The following PPARGC1A variants were observed in gnomAD, a reference collection of about 807,000 sequenced individuals.
The protein encoded by PPARGC1A is PPARG coactivator 1 alpha.
PPARGC1A carries 25 observed loss-of-function variants against 88.7 expected under a neutral mutation model. That is an observed-to-expected ratio of 0.28 (90% confidence interval 0.21 to 0.39). PPARGC1A has a LOEUF of 0.39. Ranked by LOEUF, PPARGC1A falls within the 10% of genes least tolerant of loss-of-function variation. The pLI is 1.00. For synonymous variants in PPARGC1A, 363 were observed against 355.6 expected (o/e 1.02, Z -0.24); for missense variants, 880 against 968.7 (o/e 0.91, Z 1.22).
chr4:24,071,154 G>A, the PPARGC1A span, among the ~76,000 whole-genome samples: 1 of 151,996 alleles, frequency 6.6e-6, no homozygotes, highest in Middle Eastern at 3.2e-3. Context: ...ACATCCTATC[G>A]ACTCTTGCCT....
the PPARGC1A span, among the ~76,000 whole-genome samples, chr4:23,915,645 G>A: frequency 1.3e-5 from 2 of 152,166 alleles, no homozygotes; most frequent in South Asian, 2.1e-4. Flanking sequence ...TGCCTGGCAC[G>A]TGGCAAATGT....
the PPARGC1A span, among the ~76,000 whole-genome samples, chr4:24,324,368 G>A: frequency 6.6e-6 from 1 of 151,148 alleles, no homozygotes; most frequent in Non-Finnish European, 1.5e-5. Flanking sequence ...TTATCTCTGT[G>A]CCCAATCCCT....
the PPARGC1A span, among the ~76,000 whole-genome samples, chr4:24,430,817 C>A: frequency 6.6e-6 from 1 of 152,060 alleles, no homozygotes; most frequent in South Asian, 2.1e-4. Context: ...AAGGCACAGA[C>A]CCTGAGACAG....
At chr4:24,354,307 C>A in the PPARGC1A span, among the ~76,000 whole-genome samples, 2 of 152,098 alleles carry the variant, frequency 1.3e-5, no homozygotes, top group Non-Finnish European at 2.9e-5. Context: ...ATCATATCTG[C>A]AAAGTCTCTT....
the PPARGC1A span, among the ~76,000 whole-genome samples, chr4:24,185,258 C>T: frequency 6.6e-6 from 1 of 152,122 alleles, no homozygotes; most frequent in Non-Finnish European, 1.5e-5. Flanking sequence ...ATAAATAAAC[C>T]TCAACCTGTC....
chr4:24,014,016 T>C, the PPARGC1A span, among the ~76,000 whole-genome samples: 5 of 152,320 alleles, frequency 3.3e-5, no homozygotes, highest in East Asian at 1.9e-4. Flanking sequence ...ACACGCCTTC[T>C]TCCTCGTGCA....
chr4:23,969,350 T>A, the PPARGC1A span, among the ~76,000 whole-genome samples: 1 of 152,326 alleles, frequency 6.6e-6, no homozygotes, highest in African/African-American at 2.4e-5. Context: ...ATGTGTTTTA[T>A]TGCAAACAAG....
At chr4:23,887,005 ATT>A (rs1182442082) in intron 1 of PPARGC1A, among the ~76,000 whole-genome samples, 1 of 152,146 alleles carries the variant, frequency 6.6e-6, no homozygotes, top group East Asian at 1.9e-4. Flanking sequence ...TAGCATACTG[ATT>A]TGTGGACAAC....
chr4:24,268,413 G>A, the PPARGC1A span, among the ~76,000 whole-genome samples: 2 of 152,158 alleles, frequency 1.3e-5, no homozygotes, highest in Non-Finnish European at 2.9e-5. Context: ...AATGCATGTT[G>A]CTGGTCCAAT....
chr4:24,339,199 T>A, the PPARGC1A span, among the ~76,000 whole-genome samples: 1 of 33,864 alleles, frequency 3.0e-5, no homozygotes, highest in African/African-American at 7.6e-5. Context: ...TCCATGTGTG[T>A]GTGTGTGTGT....
At chr4:23,861,026 C>T (rs1346636641) in intron 2 of PPARGC1A, among the ~76,000 whole-genome samples, 4 of 152,186 alleles carry the variant, frequency 2.6e-5, no homozygotes, top group Admixed American at 2.6e-4. Flanking sequence ...ATACCCTGAT[C>T]AATAATTTGC....
chr4:24,271,870 G>A, the PPARGC1A span, among the ~76,000 whole-genome samples: 1 of 152,102 alleles, frequency 6.6e-6, no homozygotes, highest in Non-Finnish European at 1.5e-5. Context: ...ATACATCTAT[G>A]TATTGAGATA....
the PPARGC1A span, among the ~76,000 whole-genome samples, chr4:24,317,554 C>CAAAAAAAAAA: frequency 7.0e-5 from 1 of 14,254 alleles, no homozygotes; most frequent in Admixed American, 1.3e-3. Context: ...GTTCAGAGGA[C>CAAAAAAAAAA]TAAAAAAAAA....
At chr4:24,057,958 A>T in the PPARGC1A span, among the ~76,000 whole-genome samples, 1 of 152,202 alleles carries the variant, frequency 6.6e-6, no homozygotes, top group Non-Finnish European at 1.5e-5. Context: ...GAGCATGCTC[A>T]TGCATGGGAG....
the PPARGC1A span, among the ~76,000 whole-genome samples, chr4:24,244,138 C>T: frequency 1.3e-5 from 2 of 152,154 alleles, no homozygotes; most frequent in Admixed American, 1.3e-4. Context: ...TTTCTCTTTC[C>T]AATCTCCCAG....
the PPARGC1A span, among the ~76,000 whole-genome samples, chr4:24,211,786 C>A: frequency 0.014 from 2,074 of 152,224 alleles, 17 homozygotes; most frequent in East Asian, 0.058. Context: ...TAAATGAGTC[C>A]ATACATTTTT....
chr4:23,834,475 G>A (rs2148567779), intron 2 of PPARGC1A, among the ~76,000 whole-genome samples: 1 of 123,282 alleles, frequency 8.1e-6, no homozygotes, highest in South Asian at 2.9e-4. Flanking sequence ...GGTGACAGAG[G>A]GAGACTCTGT....
chr4:24,151,844 C>T, the PPARGC1A span, among the ~76,000 whole-genome samples: 1 of 152,122 alleles, frequency 6.6e-6, no homozygotes, highest in Admixed American at 6.5e-5. Flanking sequence ...TAAAACAGCA[C>T]CCAGCTAAGT....
chr4:24,087,434 CCA>C, the PPARGC1A span, among the ~76,000 whole-genome samples: 1 of 152,146 alleles, frequency 6.6e-6, no homozygotes, highest in Non-Finnish European at 1.5e-5. Context: ...TTCAAAATGG[CCA>C]CAGTGTGGTG....
Sources: gnomAD v4.1 joint callset for allele counts (sites outside exome capture counted in the v4.1 genomes callset) on GRCh38, gnomAD v4.1.1 for gene constraint, MANE v1.5 for transcripts, NCBI Gene and HGNC (gene_info 2026-07-23, HGNC 2026-07-21) for gene names.